LRP1B: variants seen among roughly 807,000 people sequenced by gnomAD.
LRP1B encodes the protein low-density lipoprotein receptor-related protein 1B.
A neutral mutation model predicts 556.6 loss-of-function variants in LRP1B; 217 were observed. The observed-to-expected ratio is 0.39, with a 90% CI of 0.35 to 0.44. The LOEUF is 0.44. LRP1B is among the 20% of genes least tolerant of loss of function. The pLI is 1.00. For synonymous variants in LRP1B, 2,047 were observed against 1,865.8 expected (o/e 1.10, Z -2.50); for missense variants, 5,053 against 5,620.8 (o/e 0.90, Z 3.23).
chr2:140,725,615 C>T (rs932749268), intron 35 of LRP1B, among the ~76,000 whole-genome samples: 6 of 151,526 alleles, frequency 4.0e-5, no homozygotes, highest in African/African-American at 1.5e-4. Context: ...AGCACACCAA[C>T]ATGACATATG....
intron 2 of LRP1B, among the ~76,000 whole-genome samples, chr2:141,697,068 T>C (rs758103420): frequency 5.3e-5 from 8 of 151,948 alleles, no homozygotes; most frequent in Non-Finnish European, 1.2e-4. Flanking sequence ...TTTTTTATTT[T>C]TGCTAGCCAG....
intron 14 of LRP1B, among the ~76,000 whole-genome samples, chr2:141,009,943 CTG>C (rs1219203038): frequency 6.6e-6 from 1 of 151,996 alleles, no homozygotes; most frequent in African/African-American, 2.4e-5. Context: ...CCCTGGCTTA[CTG>C]TGTTTCTTGA....
chr2:140,325,704 A>C, intron 80 of LRP1B, 58 bp downstream of exon 80: 2 of 1,116,102 alleles, frequency 1.8e-6, no homozygotes, highest in Non-Finnish European at 2.6e-6. Context: ...ACATTTTTGT[A>C]TTAGTATTTA....
chr2:141,939,580 T>G (rs111239489), intron 1 of LRP1B, among the ~76,000 whole-genome samples: 6 of 152,216 alleles, frequency 3.9e-5, no homozygotes, highest in African/African-American at 1.2e-4. Flanking sequence ...AAGCAATAAA[T>G]TATACTAAAA....
intron 77 of LRP1B, among the ~76,000 whole-genome samples, chr2:140,344,592 CAT>C (rs964619509): frequency 2.6e-5 from 4 of 151,756 alleles, no homozygotes; most frequent in African/African-American, 9.7e-5. Flanking sequence ...TTATTTTAAA[CAT>C]GTGAAAAATA....
chr2:140,613,278 A>G (rs1683131663), intron 41 of LRP1B, among the ~76,000 whole-genome samples: 1 of 144,120 alleles, frequency 6.9e-6, no homozygotes, highest in Non-Finnish European at 1.5e-5. Flanking sequence ...ATAATTATAT[A>G]CAAGGTGATA....
At chr2:141,055,747 C>CA (rs568361736) in intron 9 of LRP1B, among the ~76,000 whole-genome samples, 78 of 150,824 alleles carry the variant, frequency 5.2e-4, no homozygotes, top group African/African-American at 1.7e-3. Flanking sequence ...AGTGCTGAGG[C>CA]AAAATATTTT....
chr2:140,817,679 A>T (rs1691172462), intron 31 of LRP1B, among the ~76,000 whole-genome samples: 1 of 152,062 alleles, frequency 6.6e-6, no homozygotes, highest in African/African-American at 2.4e-5. Context: ...TTAAGTTTTA[A>T]GTGTTGTTAC....
At chr2:141,810,157 GAAAGAAAGAAGGAA>G (rs1696307178) in intron 2 of LRP1B, 108 bp downstream of exon 2, 5 of 424,834 alleles carry the variant, frequency 1.2e-5, no homozygotes, top group African/African-American at 1.3e-4. Flanking sequence ...AAGAAAGAAA[GAAAGAAAGAAGGAA>G]AGAAAGAAAG....
intron 3 of LRP1B, among the ~76,000 whole-genome samples, chr2:141,378,511 A>C (rs1473119425): frequency 2.0e-5 from 3 of 152,110 alleles, no homozygotes; most frequent in African/African-American, 7.2e-5. Flanking sequence ...ACCATCTCTA[A>C]ACAAGTTATC....
At chr2:141,457,290 A>C (rs563632859) in intron 3 of LRP1B, among the ~76,000 whole-genome samples, 1 of 152,244 alleles carries the variant, frequency 6.6e-6, no homozygotes, top group East Asian at 1.9e-4. Flanking sequence ...AGACAGACTG[A>C]AGGAATAATA....
At chr2:141,019,857 C>T in intron 12 of LRP1B, 65 bp downstream of exon 12, 1 of 1,185,740 alleles carries the variant, frequency 8.4e-7, no homozygotes, top group Non-Finnish European at 1.2e-6. Context: ...CTATTATTAA[C>T]TATGTAAGAA....
intron 66 of LRP1B, among the ~76,000 whole-genome samples, chr2:140,423,356 G>A (rs4954836): frequency 0.34 from 51,633 of 151,816 alleles, 9,328 homozygotes; most frequent in African/African-American, 0.42. Context: ...AATAAGGAAA[G>A]AAAAGGAAAG....
At chr2:141,000,285 G>A (rs1697379186) in intron 15 of LRP1B, among the ~76,000 whole-genome samples, 1 of 151,950 alleles carries the variant, frequency 6.6e-6, no homozygotes, top group Non-Finnish European at 1.5e-5. Flanking sequence ...CTCCCACCAT[G>A]ATATTTAAAC....
chr2:140,346,439 T>C (rs1362035043), intron 77 of LRP1B, among the ~76,000 whole-genome samples: 1 of 151,874 alleles, frequency 6.6e-6, no homozygotes, highest in Non-Finnish European at 1.5e-5. Context: ...GTCAATATTA[T>C]TATTGAGTAC....
At chr2:140,635,062 A>G (rs902615172) in intron 41 of LRP1B, among the ~76,000 whole-genome samples, 1 of 152,112 alleles carries the variant, frequency 6.6e-6, no homozygotes, top group East Asian at 1.9e-4. Context: ...GCCTCTCAGT[A>G]CCATCTTCTC....
intron 31 of LRP1B, among the ~76,000 whole-genome samples, chr2:140,816,706 T>C (rs1270451825): frequency 6.6e-6 from 1 of 152,112 alleles, no homozygotes; most frequent in East Asian, 1.9e-4. Flanking sequence ...GGTGCATTTA[T>C]TCTCAGGTTC....
In LRP1B at chr2:140,534,033, AT is replaced by A. The variant is rs764758362; in HGVS notation, c.7749del (p.Glu2583AspfsTer2). 1 of 1,613,532 alleles carries A rather than the reference AT, an allele frequency of 6.2e-7. No individual in the cohort carries two copies. Among genetic ancestry groups the A allele is most frequent in the Non-Finnish European group, 8.5e-7 (1 of 1,179,626 alleles). Reference sequence around the variant, plus strand: ...AACAAGTATTTACCTTTACAATCTAATTCATCAGAGTTGTCTCCGCAGTCAT... The same window carrying A: ...AACAAGTATTTACCTTTACAATCTAATCATCAGAGTTGTCTCCGCAGTCAT... ...GENDCGDNSD[E>X]LDCKVSTCAT... On this transcript the variant is annotated frameshift_variant, in exon 47 of 91. Coordinates refer to ENST00000389484, the MANE Select transcript of LRP1B (RefSeq NM_018557.3). LOFTEE classifies it high-confidence loss of function.
At chr2:140,843,894 C>CCCAGTTGT in intron 29 of LRP1B, among the ~76,000 whole-genome samples, 1 of 152,142 alleles carries the variant, frequency 6.6e-6, no homozygotes, top group Non-Finnish European at 1.5e-5. Context: ...GGCCCCTCTC[C>CCCAGTTGT]CCAGTTGCAT....
Sources: allele counts gnomAD v4.1 joint callset (sites outside exome capture counted in the v4.1 genomes callset), GRCh38; gene constraint gnomAD v4.1.1; transcripts MANE v1.5; gene names NCBI Gene and HGNC (gene_info 2026-07-23, HGNC 2026-07-21).